The following SHROOM3 variants were observed in gnomAD, a reference collection of about 807,000 sequenced individuals.
SHROOM3 encodes the protein shroom family member 3.
Under a neutral mutation model 138.6 loss-of-function variants are expected in SHROOM3, and 47 were observed. The ratio of observed to expected loss-of-function variants is 0.34; its 90% CI spans 0.27 to 0.43. SHROOM3 has a LOEUF of 0.43. Ranked by LOEUF, SHROOM3 falls within the 20% of genes least tolerant of loss-of-function variation. The pLI, the probability that SHROOM3 is intolerant of heterozygous loss-of-function variation, is 1.00. For synonymous variants in SHROOM3, 1,062 were observed against 1,063.3 expected (o/e 1.00, Z 0.02); for missense variants, 2,491 against 2,596.5 (o/e 0.96, Z 0.88).
chr4:76,510,437 T>C (rs1286878185), intron 1 of SHROOM3, among the ~76,000 whole-genome samples: 1 of 152,234 alleles, frequency 6.6e-6, no homozygotes, highest in Non-Finnish European at 1.5e-5. Context: ...TTTGGGCAAG[T>C]TACTTAACCT....
At chr4:76,646,405 A>G (rs911836894) in intron 2 of SHROOM3, among the ~76,000 whole-genome samples, 5 of 151,944 alleles carry the variant, frequency 3.3e-5, no homozygotes, top group African/African-American at 1.2e-4. Context: ...CTTTAAGAAT[A>G]GTCACCATTT....
chr4:76,694,818 T>C (rs1429852135), intron 2 of SHROOM3, among the ~76,000 whole-genome samples: 1 of 152,214 alleles, frequency 6.6e-6, no homozygotes, highest in South Asian at 2.1e-4. Flanking sequence ...CACTGTCTAA[T>C]ACGTTTTGTG....
At chr4:76,775,666 GAATA>G (rs995589271) in intron 10 of SHROOM3, among the ~76,000 whole-genome samples, 1 of 150,220 alleles carries the variant, frequency 6.7e-6, no homozygotes, top group African/African-American at 2.4e-5. Context: ...ATTAACAAGT[GAATA>G]AAGAAAATGT....
intron 1 of SHROOM3, among the ~76,000 whole-genome samples, chr4:76,536,414 C>A (rs1335416115): frequency 6.6e-6 from 1 of 151,910 alleles, no homozygotes; most frequent in African/African-American, 2.4e-5. Flanking sequence ...GATTTTTTTT[C>A]TTTGCAAATG....
chr4:76,578,470 T>C (rs1733981644), intron 2 of SHROOM3, among the ~76,000 whole-genome samples: 1 of 152,236 alleles, frequency 6.6e-6, no homozygotes, highest in Non-Finnish European at 1.5e-5. Context: ...GCTAACTTTG[T>C]GAACTGCATG....
intron 2 of SHROOM3, among the ~76,000 whole-genome samples, chr4:76,706,888 C>T (rs899429268): frequency 2.6e-5 from 4 of 152,190 alleles, no homozygotes; most frequent in South Asian, 2.1e-4. Flanking sequence ...CACCTCACCC[C>T]GACTTCCACA....
chr4:76,754,404 T>A lies in SHROOM3; in HGVS notation c.3921T>A (p.Ile1307=). ...PRWGGSGCKA[I]GDSSVPSECP... ...GGGGTGGTTCAGGCTGCAAAGCCAT[T>A]GGTGATTCCTCCGTTCCTAGTGAAT... The change falls in exon 7 of 11, where the codon ATT becomes ATA. Residue 1307 remains isoleucine (I), a synonymous_variant. Coordinates refer to ENST00000296043, the MANE Select transcript of SHROOM3 (RefSeq NM_020859.4). The A allele has an allele frequency of 6.2e-7, 1 of 1,614,082 alleles. No homozygotes were observed. Among genetic ancestry groups the A allele is most frequent in the East Asian group, 2.2e-5 (1 of 44,866 alleles).
chr4:76,645,545 A>G (rs1487214023), intron 2 of SHROOM3: 2 of 152,252 alleles, frequency 1.3e-5, no homozygotes, highest in Admixed American at 1.3e-4. Context: ...ATTTAAGTAG[A>G]TGAGCATAGA....
chr4:76,497,590 G>T (rs558412351), intron 1 of SHROOM3, among the ~76,000 whole-genome samples: 1 of 152,320 alleles, frequency 6.6e-6, no homozygotes, highest in African/African-American at 2.4e-5. Flanking sequence ...GGGTGCAGTG[G>T]CTCATGCCTG....
At chr4:76,715,287 A>G (rs756064051) in intron 3 of SHROOM3, among the ~76,000 whole-genome samples, 14 of 152,234 alleles carry the variant, frequency 9.2e-5, no homozygotes, top group Non-Finnish European at 1.5e-4. Context: ...TTTCCCAGGT[A>G]TATATAGGAG....
intron 2 of SHROOM3, among the ~76,000 whole-genome samples, chr4:76,608,586 ATAG>A (rs1242248011): frequency 2.0e-5 from 3 of 148,986 alleles, no homozygotes; most frequent in Admixed American, 6.7e-5. Flanking sequence ...ATAGCATAGC[ATAG>A]CATAGCATAG....
At chr4:76,551,954 T>A (rs576721545) in intron 1 of SHROOM3, among the ~76,000 whole-genome samples, 1 of 150,278 alleles carries the variant, frequency 6.7e-6, no homozygotes, top group East Asian at 2.0e-4. Context: ...CTCTGCCTCC[T>A]GGGTTCACGC....
chr4:76,444,722 C>G (rs950582640), intron 1 of SHROOM3, among the ~76,000 whole-genome samples: 3 of 151,740 alleles, frequency 2.0e-5, no homozygotes, highest in African/African-American at 7.3e-5. Context: ...TCTTGAACTC[C>G]TGACTTCGTG....
chr4:76,642,453 A>T (rs1735697810), intron 2 of SHROOM3, among the ~76,000 whole-genome samples: 1 of 152,154 alleles, frequency 6.6e-6, no homozygotes, highest in Non-Finnish European at 1.5e-5. Context: ...ATGCAGTATG[A>T]CGCCACTGGG....
chr4:76,621,844 T>C (rs983627634), intron 2 of SHROOM3, among the ~76,000 whole-genome samples: 2 of 151,436 alleles, frequency 1.3e-5, no homozygotes, highest in Non-Finnish European at 1.5e-5. Flanking sequence ...TTTTTTTTTT[T>C]TTTGAGACAG....
intron 2 of SHROOM3, among the ~76,000 whole-genome samples, chr4:76,681,635 A>ATGTATGTGTGTGTT (rs1719202966): frequency 2.6e-5 from 1 of 38,604 alleles, no homozygotes; most frequent in Non-Finnish European, 5.2e-5. Context: ...GTGTGTGTGT[A>ATGTATGTGTGTGTT]TGTGTCTGGA....
At chr4:76,549,659 G>T (rs888201799) in intron 1 of SHROOM3, among the ~76,000 whole-genome samples, 3 of 152,036 alleles carry the variant, frequency 2.0e-5, no homozygotes, top group Non-Finnish European at 2.9e-5. Context: ...GAGCCACTGC[G>T]CCCGGCAGTG....
At chr4:76,649,856 G>T (rs746671858) in intron 2 of SHROOM3, among the ~76,000 whole-genome samples, 19 of 152,286 alleles carry the variant, frequency 1.2e-4, no homozygotes, top group Non-Finnish European at 2.4e-4. Context: ...ATCTGCATTA[G>T]TCTACTTGGG....
chr4:76,584,320 GAA>G (rs566058838), intron 2 of SHROOM3, among the ~76,000 whole-genome samples: 6 of 117,300 alleles, frequency 5.1e-5, no homozygotes, highest in Admixed American at 2.6e-4. Flanking sequence ...GCATCTCAAA[GAA>G]AAAAAAAAAA....
Sources: gnomAD v4.1 joint callset for allele counts (sites outside exome capture counted in the v4.1 genomes callset) on GRCh38, gnomAD v4.1.1 for gene constraint, MANE v1.5 for transcripts, NCBI Gene and HGNC (gene_info 2026-07-23, HGNC 2026-07-21) for gene names.